Variants in IL1RAPL1 observed in about 807,000 individuals in gnomAD.
IL1RAPL1 encodes interleukin-1 receptor accessory protein-like 1.
In IL1RAPL1, 3 loss-of-function variants were observed where a neutral mutation model predicts 48.4. That is an observed-to-expected ratio of 0.06 (90% CI 0.03 to 0.16). The LOEUF (loss-of-function observed/expected upper bound fraction) is 0.16. Ranked by LOEUF, IL1RAPL1 falls within the 10% of genes least tolerant of loss-of-function variation. The probability of loss-of-function intolerance (pLI) is 1.00; values close to 1 mark genes in which losing one functional copy is unlikely to be tolerated. For missense variants in IL1RAPL1, 349 were observed against 530.6 expected (o/e 0.66, Z 3.36); for synonymous variants, 185 against 187.7 (o/e 0.99, Z 0.12).
At chrX:29,735,763 T>A (rs1392527298) in intron 6 of IL1RAPL1, among the ~76,000 whole-genome samples, 1 of 111,997 alleles carries the variant, frequency 8.9e-6, no homozygotes, top group East Asian at 2.8e-4. Context: ...GGAGATCTTA[T>A]TTATAGATAT....
At chrX:28,728,480 A>G (rs894761737) in intron 1 of IL1RAPL1, among the ~76,000 whole-genome samples, 2 of 111,637 alleles carry the variant, frequency 1.8e-5, no homozygotes, top group African/African-American at 6.5e-5. Context: ...TTGGAAATAC[A>G]AACTGTTTAC....
At chrX:29,088,954 C>T (rs1419951061) in intron 2 of IL1RAPL1, among the ~76,000 whole-genome samples, 1 of 111,345 alleles carries the variant, frequency 9.0e-6, no homozygotes, top group African/African-American at 3.3e-5. Flanking sequence ...TGTCATGCTT[C>T]AGTGTTCGCC....
At chrX:29,814,819 C>A (rs1930458338) in intron 6 of IL1RAPL1, among the ~76,000 whole-genome samples, 1 of 111,798 alleles carries the variant, frequency 8.9e-6, no homozygotes, top group Non-Finnish European at 1.9e-5. Flanking sequence ...TATTCCAACA[C>A]CATTTATTGA....
At chrX:28,718,208 G>C (rs922943131) in intron 1 of IL1RAPL1, among the ~76,000 whole-genome samples, 1 of 111,248 alleles carries the variant, frequency 9.0e-6, no homozygotes, top group Middle Eastern at 4.8e-3. Context: ...TCAGTAAAAT[G>C]CATTAATACA....
intron 2 of IL1RAPL1, among the ~76,000 whole-genome samples, chrX:28,957,316 C>T (rs767952673): frequency 9.0e-6 from 1 of 111,703 alleles, no homozygotes; most frequent in African/African-American, 3.2e-5. Flanking sequence ...ATCTTTAACT[C>T]ATTTGACACA....
At chrX:29,092,848 C>T (rs996628379) in intron 2 of IL1RAPL1, among the ~76,000 whole-genome samples, 1 of 111,781 alleles carries the variant, frequency 8.9e-6, no homozygotes, top group Non-Finnish European at 1.9e-5. Context: ...AAAAAATAAA[C>T]ATCATTTAAC....
chrX:28,884,695 CATGCA>C lies in IL1RAPL1; in HGVS notation c.82+95271_82+95275del, dbSNP rs753106957. 3.3e-3 allele frequency among the ~76,000 whole-genome samples: 369 copies of C among 112,001 alleles called. 2 individuals carry two copies. Among genetic ancestry groups the C allele is most frequent in the African/African-American group, 0.012 (360 of 30,958 alleles). ...ATTCTGAGATTGATTACTAAACTAA[CATGCA>C]TTGTTTCATCTAGGTTTGTATGACT... On this transcript the variant is annotated intron_variant, in intron 2 of 10. Transcript: ENST00000378993.
At chrX:28,755,410 A>G (rs1936095488) in intron 1 of IL1RAPL1, among the ~76,000 whole-genome samples, 1 of 112,526 alleles carries the variant, frequency 8.9e-6, no homozygotes, top group East Asian at 2.8e-4. Context: ...AAAATTTAAG[A>G]TTTAGTTTTT....
chrX:29,461,019 A>T, intron 5 of IL1RAPL1, among the ~76,000 whole-genome samples: 1 of 111,948 alleles, frequency 8.9e-6, no homozygotes, highest in East Asian at 2.8e-4. Flanking sequence ...TGGGAAAAGT[A>T]TTTTCAAAAT....
rs779285048 is a variant in IL1RAPL1, at chrX:28,954,261, C to T, written c.82+164836C>T. 9.9e-5 allele frequency among the ~76,000 whole-genome samples: 11 copies of T among 111,225 alleles called. No homozygotes were observed. The South Asian group carries it at 3.7e-3, about 37-fold the overall frequency. On this transcript the variant is annotated intron_variant, in intron 2 of 10. Transcript: ENST00000378993. ...ATAAGCCAATAGTTTCATATAGCGTCTTCAATGTTACAAGATTTGTGAGTA... is the reference window on the plus strand; with the variant it reads ...ATAAGCCAATAGTTTCATATAGCGTTTTCAATGTTACAAGATTTGTGAGTA...
intron 5 of IL1RAPL1, among the ~76,000 whole-genome samples, chrX:29,472,854 C>T (rs1934936127): frequency 8.9e-6 from 1 of 111,773 alleles, no homozygotes; most frequent in East Asian, 2.8e-4. Flanking sequence ...AAATGTTCAC[C>T]ATTTTCCCTC....
At chrX:28,775,094 C>A (rs1936349185) in intron 1 of IL1RAPL1, among the ~76,000 whole-genome samples, 1 of 111,950 alleles carries the variant, frequency 8.9e-6, no homozygotes, top group Non-Finnish European at 1.9e-5. Flanking sequence ...TTCTTCCTTT[C>A]TTTTGTTCCA....
chrX:29,587,816 C>T (rs1043551828), intron 5 of IL1RAPL1, among the ~76,000 whole-genome samples: 1 of 112,340 alleles, frequency 8.9e-6, no homozygotes, highest in African/African-American at 3.2e-5. Context: ...AAACTATCTC[C>T]TGCCTACAAT....
At chrX:29,824,307 G>T (rs1930684541) in intron 6 of IL1RAPL1, among the ~76,000 whole-genome samples, 1 of 111,503 alleles carries the variant, frequency 9.0e-6, no homozygotes, top group South Asian at 3.8e-4. Context: ...AAACAATGTG[G>T]ATGTCTAGAA....
At chrX:29,865,766 G>A (rs1308237807) in intron 6 of IL1RAPL1, among the ~76,000 whole-genome samples, 1 of 103,392 alleles carries the variant, frequency 9.7e-6, no homozygotes, top group Non-Finnish European at 2.0e-5. Context: ...CCTCTTGAGT[G>A]GCTGGGATTA....
At chrX:29,903,763 A>AATG (rs966074470) in intron 6 of IL1RAPL1, among the ~76,000 whole-genome samples, 1 of 111,815 alleles carries the variant, frequency 8.9e-6, no homozygotes, top group African/African-American at 3.2e-5. Context: ...TTTAGATAGG[A>AATG]ATGATTTTTT....
intron 2 of IL1RAPL1, among the ~76,000 whole-genome samples, chrX:29,087,574 T>G (rs755171530): frequency 8.9e-6 from 1 of 112,178 alleles, no homozygotes; most frequent in South Asian, 3.7e-4. Context: ...ATTGAGCTTG[T>G]TTTTCAATAA....
At chrX:29,376,227 A>G (rs1933620089) in intron 3 of IL1RAPL1, among the ~76,000 whole-genome samples, 1 of 111,894 alleles carries the variant, frequency 8.9e-6, no homozygotes, top group African/African-American at 3.2e-5. Context: ...TCCTCTAAAC[A>G]CCACTTTAGC....
At chrX:28,728,787 A>G (rs1397970782) in intron 1 of IL1RAPL1, among the ~76,000 whole-genome samples, 4 of 111,636 alleles carry the variant, frequency 3.6e-5, no homozygotes, top group African/African-American at 9.7e-5. Context: ...CATTATATAG[A>G]TGAAGAAGCT....
Sources: allele counts gnomAD v4.1 joint callset (sites outside exome capture counted in the v4.1 genomes callset), GRCh38; gene constraint gnomAD v4.1.1; transcripts MANE v1.5; gene names NCBI Gene and HGNC (gene_info 2026-07-23, HGNC 2026-07-21).